PCDHA4: variants seen among roughly 807,000 people sequenced by gnomAD.
PCDHA4 encodes protocadherin alpha 4, also known as protocadherin alpha-4.
In PCDHA4, 49 loss-of-function variants were observed where a neutral mutation model predicts 61.4. The observed-to-expected ratio is 0.80, with a 90% CI of 0.63 to 1.01. The LOEUF is 1.01. Ranked by LOEUF, PCDHA4 falls within the 50% of genes least tolerant of loss-of-function variation. The pLI, the probability that PCDHA4 is intolerant of heterozygous loss-of-function variation, is 0.00. For missense variants in PCDHA4, 1,254 were observed against 1,235.8 expected (o/e 1.01, Z -0.22); for synonymous variants, 590 against 550.3 (o/e 1.07, Z -1.01).
intron 1 of PCDHA4, among the ~76,000 whole-genome samples, chr5:140,819,536 A>G (rs1328412419): frequency 6.6e-6 from 1 of 152,166 alleles, no homozygotes; most frequent in Non-Finnish European, 1.5e-5. Context: ...CAAGAAAATA[A>G]TCTGTAACAT....
chr5:140,908,754 A>C (rs1403008536), intron 1 of PCDHA4, among the ~76,000 whole-genome samples: 1 of 152,184 alleles, frequency 6.6e-6, no homozygotes, highest in Non-Finnish European at 1.5e-5. Context: ...ACTTGCACAC[A>C]GCCTGGACGT....
At chr5:140,835,970 G>T (rs1178302162) in intron 1 of PCDHA4, 1 of 1,613,202 alleles carries the variant, frequency 6.2e-7, no homozygotes, top group Non-Finnish European at 8.5e-7. Flanking sequence ...AGGAGCTGGA[G>T]CTGTTGCAGT....
intron 1 of PCDHA4, among the ~76,000 whole-genome samples, chr5:140,833,724 C>T (rs1420470141): frequency 9.3e-5 from 14 of 149,846 alleles, no homozygotes; most frequent in Non-Finnish European, 1.8e-4. Flanking sequence ...TGGATAGTTG[C>T]TAATGTTTCT....
At chr5:140,814,961 A>C (rs1171415447) in intron 1 of PCDHA4, 3 of 152,138 alleles carry the variant, frequency 2.0e-5, no homozygotes, top group African/African-American at 7.2e-5. Flanking sequence ...CTCTTATGAC[A>C]CTTTTTGACT....
chr5:140,808,274 G>A lies in PCDHA4; in HGVS notation c.1087G>A (p.Ala363Thr). Residue 363 changes from alanine (A) to threonine (T), a missense_variant, in exon 1 of 4, where the codon GCT becomes ACT. Ala to Thr is a moderately conservative substitution (Grantham distance 58). Transcript: ENST00000530339. ...KSLSLPIRED[A>T]PLGTVIALIS... ...TTTATCACTTCCAATTAGAGAGGACGCTCCACTGGGTACAGTCATCGCCCT... is the reference window on the plus strand; with the variant it reads ...TTTATCACTTCCAATTAGAGAGGACACTCCACTGGGTACAGTCATCGCCCT... 7.4e-6 allele frequency: 12 copies of A among 1,614,206 alleles called. No homozygotes were observed. The highest frequency in any genetic ancestry group is 1.0e-5 in the Non-Finnish European group (12 of 1,180,042).
intron 1 of PCDHA4, among the ~76,000 whole-genome samples, chr5:140,941,255 C>CTTTCTTTCTT (rs782490896): frequency 0.012 from 539 of 44,464 alleles, 5 homozygotes; most frequent in Middle Eastern, 0.036. Context: ...TTCTTTCTTT[C>CTTTCTTTCTT]TCTTTCTTTC....
intron 1 of PCDHA4, chr5:140,884,070 C>T: frequency 1.2e-6 from 2 of 1,613,516 alleles, no homozygotes; most frequent in Non-Finnish European, 1.7e-6. Context: ...GACGCCGATT[C>T]GGGCTACAAT....
At chr5:140,821,799 T>C (rs2150110724) in intron 1 of PCDHA4, 28 of 1,612,984 alleles carry the variant, frequency 1.7e-5, no homozygotes, top group Non-Finnish European at 2.4e-5. Flanking sequence ...GGAGAGGAAG[T>C]CTGGGATCCC....
chr5:140,986,572 G>T (rs1587171327), intron 3 of PCDHA4, among the ~76,000 whole-genome samples: 1 of 152,268 alleles, frequency 6.6e-6, no homozygotes, highest in East Asian at 1.9e-4. Context: ...TCTGTTATTG[G>T]TTTTTCCAGC....
intron 1 of PCDHA4, among the ~76,000 whole-genome samples, chr5:140,973,052 G>C (rs114678656): frequency 0.013 from 2,011 of 152,210 alleles, 55 homozygotes; most frequent in African/African-American, 0.046. Flanking sequence ...TAGTAGATTT[G>C]TCCAACAGTG....
chr5:140,867,523 A>AGT (rs2050005446), intron 1 of PCDHA4: 1 of 152,088 alleles, frequency 6.6e-6, no homozygotes, highest in South Asian at 2.1e-4. Context: ...TTAATAGTTG[A>AGT]ATATATATAT....
intron 1 of PCDHA4, chr5:140,969,073 G>A (rs781937942): frequency 1.4e-5 from 23 of 1,613,974 alleles, no homozygotes; most frequent in South Asian, 5.5e-5. Context: ...CCAGGATACC[G>A]CATGGCCTCA....
chr5:140,932,710 C>T (rs2088563538), intron 1 of PCDHA4, among the ~76,000 whole-genome samples: 1 of 151,522 alleles, frequency 6.6e-6, no homozygotes, highest in African/African-American at 2.4e-5. Context: ...ATAGACAACA[C>T]AATAATATTG....
rs782426631 is a variant in PCDHA4, at chr5:140,982,476, T to G, written c.2446T>G (p.Ser816Ala). The change falls in exon 3 of 4, where the codon TCT becomes GCT. Residue 816 changes from serine to alanine, a missense_variant and splice_region_variant. By Grantham distance (99) the Ser-to-Ala change is moderately conservative (BLOSUM62 1). Coordinates refer to ENST00000530339, the MANE Select transcript of PCDHA4 (RefSeq NM_018907.4). The part of the protein sequence containing the change: ...SASLRAGMHS[S>A]VHLEEAGILR... Reference sequence around the variant, plus strand: ...ATCTGGGTCTGTGTGTTTATTCAGCTCTGTGCACCTAGAGGAGGCTGGCAT... The same window carrying G: ...ATCTGGGTCTGTGTGTTTATTCAGCGCTGTGCACCTAGAGGAGGCTGGCAT... 9.3e-6 allele frequency: 15 copies of G among 1,614,064 alleles called. No individual in the cohort carries two copies. The African/African-American group carries it at 2.0e-4, about 22-fold the overall frequency.
chr5:140,808,362 A>G lies in PCDHA4; in HGVS notation c.1175A>G (p.His392Arg). 6.2e-7 allele frequency: 1 copy of G among 1,614,180 alleles called. No homozygotes were observed. The highest frequency in any genetic ancestry group is 8.5e-7 in the Non-Finnish European group (1 of 1,180,044). The change falls in exon 1 of 4, where the codon CAC (histidine) becomes CGC (arginine). Residue 392 changes from histidine to arginine, a missense_variant. Coordinates refer to ENST00000530339, the MANE Select transcript of PCDHA4 (RefSeq NM_018907.4). The stretch of plus-strand genomic sequence containing the variant: ...CTGGTCACCTGCTCCTTGACGTCCC[A>G]CGTCCCCTTCAAGCTGGTGTCCACC... ...NGLVTCSLTS[H>R]VPFKLVSTFK...
chr5:140,967,748 G>T, intron 1 of PCDHA4: 1 of 1,614,204 alleles, frequency 6.2e-7, no homozygotes, highest in Non-Finnish European at 8.5e-7. Context: ...TTATGAGGAA[G>T]CCTCCTCCTA....
At chr5:140,944,809 A>G (rs2093698274) in intron 1 of PCDHA4, among the ~76,000 whole-genome samples, 1 of 152,220 alleles carries the variant, frequency 6.6e-6, no homozygotes, top group African/African-American at 2.4e-5. Flanking sequence ...GAGGGTCCAC[A>G]GTGATCTTTG....
chr5:140,918,633 A>G (rs2078785997), intron 1 of PCDHA4, among the ~76,000 whole-genome samples: 1 of 152,242 alleles, frequency 6.6e-6, no homozygotes, highest in Non-Finnish European at 1.5e-5. Flanking sequence ...CCCCAAATTC[A>G]TAAATTGAAA....
intron 1 of PCDHA4, chr5:140,871,090 A>G (rs782465793): frequency 1.2e-6 from 2 of 1,613,254 alleles, no homozygotes; most frequent in South Asian, 1.1e-5. Flanking sequence ...GGCCACGGCC[A>G]CCGTGCTGGT....
Sources: allele counts gnomAD v4.1 joint callset (sites outside exome capture counted in the v4.1 genomes callset), GRCh38; gene constraint gnomAD v4.1.1; transcripts MANE v1.5; gene names NCBI Gene and HGNC (gene_info 2026-07-23, HGNC 2026-07-21).